Variants in CMTM8 observed in about 807,000 individuals in gnomAD.
The protein encoded by CMTM8 is CKLF like MARVEL transmembrane domain containing 8, also known as CKLF-like MARVEL transmembrane domain-containing protein 8.
CMTM8 carries 12 observed loss-of-function variants against 18.6 expected under a neutral mutation model. That is an observed-to-expected ratio of 0.65 (90% CI 0.41 to 1.05). The LOEUF (loss-of-function observed/expected upper bound fraction) is 1.05. CMTM8 is among the 50% of genes least tolerant of loss of function. CMTM8 has a pLI of 0.00. For missense variants in CMTM8, 217 were observed against 227.2 expected (o/e 0.95, Z 0.29); for synonymous variants, 87 against 90.6 (o/e 0.96, Z 0.23).
At chr3:32,270,840 G>A (rs1407548535) in intron 1 of CMTM8, among the ~76,000 whole-genome samples, 1 of 152,068 alleles carries the variant, frequency 6.6e-6, no homozygotes, top group African/African-American at 2.4e-5. Context: ...TGCACGTTGT[G>A]CACATGTACC....
intron 1 of CMTM8, among the ~76,000 whole-genome samples, chr3:32,311,891 A>T (rs1157696548): frequency 5.3e-5 from 8 of 152,202 alleles, no homozygotes; most frequent in Admixed American, 5.2e-4. Flanking sequence ...ACAGGTAGAG[A>T]ATTGCTTTGG....
intron 1 of CMTM8, among the ~76,000 whole-genome samples, chr3:32,249,585 G>T (rs1288384176): frequency 6.6e-6 from 1 of 152,178 alleles, no homozygotes; most frequent in African/African-American, 2.4e-5. Context: ...TAGTGAATGT[G>T]AGATCGTATC....
chr3:32,260,106 T>G, intron 1 of CMTM8: 1 of 1,059,764 alleles, frequency 9.4e-7, no homozygotes, highest in Non-Finnish European at 1.4e-6. Flanking sequence ...GGCGAGGACT[T>G]CAATCTTGGT....
chr3:32,351,471 ACC>A (rs1559387149), intron 1 of CMTM8, among the ~76,000 whole-genome samples: 2 of 152,102 alleles, frequency 1.3e-5, no homozygotes, highest in Non-Finnish European at 2.9e-5. Context: ...ACTTTGGGAG[ACC>A]ATGGCAGGAG....
rs796526764 is a variant in CMTM8, at chr3:32,259,798, C to T, written c.147+20679C>T. The T allele has an allele frequency of 1.2e-5, 10 of 836,924 alleles. 1 individual carries two copies. Among genetic ancestry groups the T allele is most frequent in the African/African-American group, 3.3e-5 (2 of 60,466 alleles). The allele number at this position is 836,924 out of a possible 1,614,324, so 51.8% of individuals were successfully genotyped here. ...CCACAGTGGTCACCACACAGTCCGC[C>T]GAGGTTGGAGCTGCTGAGATGCCAC... On this transcript the variant is annotated intron_variant, in intron 1 of 3. Coordinates refer to ENST00000307526, the MANE Select transcript of CMTM8 (RefSeq NM_178868.5).
chr3:32,368,461 T>C (rs1179651350), intron 3 of CMTM8, among the ~76,000 whole-genome samples: 1 of 150,256 alleles, frequency 6.7e-6, no homozygotes, highest in Admixed American at 6.6e-5. Context: ...CTTCTATTTT[T>C]TTTTTTTTTT....
intron 1 of CMTM8, among the ~76,000 whole-genome samples, chr3:32,299,959 A>G (rs1043874309): frequency 4.6e-5 from 7 of 152,224 alleles, no homozygotes; most frequent in African/African-American, 1.7e-4. Flanking sequence ...CAGCCACTGT[A>G]GGTGCTGAAA....
chr3:32,313,100 A>G (rs930470532), intron 1 of CMTM8, among the ~76,000 whole-genome samples: 2 of 152,124 alleles, frequency 1.3e-5, no homozygotes, highest in African/African-American at 4.8e-5. Context: ...GGATCAGGGC[A>G]TGAACATCTC....
chr3:32,242,481 C>T (rs563284552), intron 1 of CMTM8, among the ~76,000 whole-genome samples: 1 of 152,168 alleles, frequency 6.6e-6, no homozygotes, highest in African/African-American at 2.4e-5. Context: ...GGCCACCATG[C>T]CTGGTGGATG....
intron 1 of CMTM8, among the ~76,000 whole-genome samples, chr3:32,311,523 T>C (rs1214334415): frequency 6.6e-6 from 1 of 152,220 alleles, no homozygotes; most frequent in Non-Finnish European, 1.5e-5. Context: ...TTTTTCACCT[T>C]TGTGGACCCT....
rs1435654902 is a variant in CMTM8 at position 32,358,088 on chromosome 3, T to C, written c.321+542T>C. On this transcript the variant is annotated intron_variant, in intron 2 of 3. Coordinates refer to ENST00000307526, the MANE Select transcript of CMTM8 (RefSeq NM_178868.5). The surrounding 1 kb of genome is among the most constrained non-coding windows in gnomAD (Gnocchi z 4.1). ...GGAATGACTGGATTCTCATCCTGGC[T>C]CTGGCACCATGCTGGATGCAGGATG... Among the ~76,000 whole-genome samples the C allele has an allele frequency of 1.3e-5, 2 of 152,316 alleles. No homozygotes were observed. Among genetic ancestry groups the C allele is most frequent in the East Asian group, 3.9e-4 (2 of 5,176 alleles).
intron 1 of CMTM8, among the ~76,000 whole-genome samples, chr3:32,263,428 T>G (rs1365543710): frequency 1.3e-5 from 2 of 152,050 alleles, no homozygotes; most frequent in Non-Finnish European, 2.9e-5. Flanking sequence ...AGAAAGGACA[T>G]CCACACCAAA....
At chr3:32,269,454 CTAA>C (rs1702401721) in intron 1 of CMTM8, among the ~76,000 whole-genome samples, 1 of 152,206 alleles carries the variant, frequency 6.6e-6, no homozygotes, top group African/African-American at 2.4e-5. Flanking sequence ...CCCTGGGAAG[CTAA>C]TGTCAGATTT....
rs771074768 is a variant in CMTM8 at position 32,358,253 on chromosome 3, G to T, written c.321+707G>T. On this transcript the variant is annotated intron_variant, in intron 2 of 3. Coordinates refer to ENST00000307526, the MANE Select transcript of CMTM8 (RefSeq NM_178868.5). This position sits in a 1 kb window ranked among gnomAD's most constrained non-coding sequence, Gnocchi z 4.1. ...GGATGGCTGGGAACTCTTCAGAGAG[G>T]AAGTGACATTTAGCTTCATCCTGGA... is the stretch of plus-strand genomic sequence containing the variant. Among the ~76,000 whole-genome samples the T allele has an allele frequency of 7.2e-5, 11 of 152,198 alleles. No homozygotes were observed. Among genetic ancestry groups the T allele is most frequent in the Admixed American group, 1.3e-4 (2 of 15,270 alleles).
Position 32,358,905 on chromosome 3 carries a change from A to G in CMTM8, c.321+1359A>G, listed in dbSNP as rs1440351394. Among the ~76,000 whole-genome samples, 1 of 152,218 alleles carries G rather than the reference A, an allele frequency of 6.6e-6. No homozygotes were observed. Among genetic ancestry groups the G allele is most frequent in the Admixed American group, 6.5e-5 (1 of 15,280 alleles). On this transcript the variant is annotated intron_variant, in intron 2 of 3. Coordinates refer to ENST00000307526, the MANE Select transcript of CMTM8 (RefSeq NM_178868.5). The surrounding 1 kb of genome is among the most constrained non-coding windows in gnomAD (Gnocchi z 4.1). The stretch of plus-strand genomic sequence containing the variant: ...TCAAAAAAAGTTAGCACCTTGAAGT[A>G]ATAGTAACTATAGGAACACAGGATG...
chr3:32,352,005 C>T lies in CMTM8; in HGVS notation c.148-5368C>T, dbSNP rs372257019. Among the ~76,000 whole-genome samples the T allele has an allele frequency of 6.7e-4, 101 of 151,712 alleles. 1 individual carries two copies. The highest frequency in any genetic ancestry group is 1.1e-3 in the Non-Finnish European group (76 of 67,926). On this transcript the variant is annotated intron_variant, in intron 1 of 3. Coordinates refer to ENST00000307526, the MANE Select transcript of CMTM8 (RefSeq NM_178868.5). ...CAGCCCGGCCCACATGGTGAAACCCCGTTTATACTAAAAATACAAAAAATT... is the reference window on the plus strand; with the variant it reads ...CAGCCCGGCCCACATGGTGAAACCCTGTTTATACTAAAAATACAAAAAATT...
At chr3:32,317,081 G>A (rs1319001425) in intron 1 of CMTM8, among the ~76,000 whole-genome samples, 1 of 152,154 alleles carries the variant, frequency 6.6e-6, no homozygotes, top group Non-Finnish European at 1.5e-5. Flanking sequence ...AGGGTGAAGT[G>A]CATCTGAAAT....
intron 1 of CMTM8, among the ~76,000 whole-genome samples, chr3:32,318,341 T>C (rs1240847355): frequency 6.6e-6 from 1 of 152,130 alleles, no homozygotes; most frequent in Non-Finnish European, 1.5e-5. Context: ...TGTTATCTAT[T>C]TGAAGAATTA....
chr3:32,263,880 C>T (rs964236204), intron 1 of CMTM8, among the ~76,000 whole-genome samples: 25 of 151,980 alleles, frequency 1.6e-4, no homozygotes, highest in African/African-American at 5.6e-4. Flanking sequence ...TGAAATAAAG[C>T]GAGAAGAGAA....
Sources: allele counts gnomAD v4.1 joint callset (sites outside exome capture counted in the v4.1 genomes callset), GRCh38; gene constraint gnomAD v4.1.1; non-coding constraint Gnocchi (gnomAD v3.1); transcripts MANE v1.5; gene names NCBI Gene and HGNC (gene_info 2026-07-23, HGNC 2026-07-21).